The following ATP8A2 variants were observed in gnomAD, a reference collection of about 807,000 sequenced individuals.
The protein encoded by ATP8A2 is ATPase phospholipid transporting 8A2, also known as phospholipid-transporting ATPase IB.
ATP8A2 carries 100 observed loss-of-function variants against 165.6 expected under a neutral mutation model. The observed-to-expected ratio is 0.60, with a 90% confidence interval of 0.51 to 0.71. The LOEUF is 0.71. Among genes scored for constraint, ATP8A2 ranks in the 30% least tolerant of loss-of-function variants. The probability of loss-of-function intolerance (pLI) is 0.00; values close to 1 mark genes in which losing one functional copy is unlikely to be tolerated. For missense variants in ATP8A2, 1,227 were observed against 1,479.5 expected (o/e 0.83, Z 2.80); for synonymous variants, 543 against 548.8 (o/e 0.99, Z 0.15).
intron 24 of ATP8A2, among the ~76,000 whole-genome samples, chr13:25,598,143 G>A (rs970092769): frequency 5.3e-5 from 8 of 152,086 alleles, no homozygotes; most frequent in Non-Finnish European, 8.8e-5. Flanking sequence ...CTTCATCATT[G>A]AAATACCTGT....
At chr13:25,774,044 G>A (rs1184577015) in intron 26 of ATP8A2, among the ~76,000 whole-genome samples, 1 of 152,168 alleles carries the variant, frequency 6.6e-6, no homozygotes, top group Admixed American at 6.6e-5. Flanking sequence ...ATCTGTGTTT[G>A]CTTAGAGATA....
rs545382175 is a variant in ATP8A2, at chr13:25,965,934, G to A, written c.3273-2641G>A. 6.7e-5 allele frequency among the ~76,000 whole-genome samples: 10 copies of A among 149,196 alleles called. 1 individual carries two copies. The East Asian group carries it at 1.4e-3, about 21-fold the overall frequency. On this transcript the variant is annotated intron_variant, in intron 34 of 36. Coordinates refer to ENST00000381655, the MANE Select transcript of ATP8A2 (RefSeq NM_016529.6). Reference sequence around the variant, plus strand: ...ACTAAACTAATTTCTTTTGCAGCACGTTACATTTACACTTCCATCCAGGTT... The same window carrying A: ...ACTAAACTAATTTCTTTTGCAGCACATTACATTTACACTTCCATCCAGGTT...
At chr13:26,015,982 C>T (rs746028150) in intron 36 of ATP8A2, among the ~76,000 whole-genome samples, 1 of 152,174 alleles carries the variant, frequency 6.6e-6, no homozygotes, top group African/African-American at 2.4e-5. Context: ...GCTGGGCAGG[C>T]AGGACTGGTT....
At chr13:25,520,995 G>C (rs971018826) in intron 2 of ATP8A2, among the ~76,000 whole-genome samples, 7 of 152,146 alleles carry the variant, frequency 4.6e-5, no homozygotes, top group African/African-American at 1.2e-4. Flanking sequence ...AGTGTACAAG[G>C]GTTCTGCTTT....
At chr13:25,504,351 G>A (rs2036953900) in intron 2 of ATP8A2, among the ~76,000 whole-genome samples, 2 of 147,500 alleles carry the variant, frequency 1.4e-5, no homozygotes, top group Non-Finnish European at 3.0e-5. Context: ...CATCTATTTC[G>A]TATGTTTTTT....
At chr13:25,987,669 G>A (rs964224549) in intron 35 of ATP8A2, among the ~76,000 whole-genome samples, 1 of 152,224 alleles carries the variant, frequency 6.6e-6, no homozygotes, top group Non-Finnish European at 1.5e-5. Context: ...CCATGCAGGG[G>A]TGGGGTCATG....
chr13:25,426,323 T>C (rs910182555), intron 1 of ATP8A2, among the ~76,000 whole-genome samples: 2 of 151,700 alleles, frequency 1.3e-5, no homozygotes, highest in Admixed American at 1.3e-4. Flanking sequence ...AGAGACAGAG[T>C]GGTGGGGGAG....
At chr13:25,561,682 C>T (rs2039160123) in intron 15 of ATP8A2, among the ~76,000 whole-genome samples, 1 of 152,124 alleles carries the variant, frequency 6.6e-6, no homozygotes, top group Non-Finnish European at 1.5e-5. Context: ...AATTCAGTTG[C>T]ACTAAATAGA....
At chr13:25,406,226 A>T (rs2033797969) in intron 1 of ATP8A2, among the ~76,000 whole-genome samples, 1 of 152,214 alleles carries the variant, frequency 6.6e-6, no homozygotes. Flanking sequence ...CCTCTGTTTC[A>T]GGTGGCAGAG....
At chr13:25,504,506 C>T (rs890827540) in intron 2 of ATP8A2, among the ~76,000 whole-genome samples, 1 of 143,926 alleles carries the variant, frequency 6.9e-6, no homozygotes, top group African/African-American at 2.6e-5. Flanking sequence ...TTTGGGAGGC[C>T]GAGGCGGGTG....
intron 24 of ATP8A2, among the ~76,000 whole-genome samples, chr13:25,667,059 A>G (rs2137726076): frequency 6.6e-6 from 1 of 152,310 alleles, no homozygotes; most frequent in East Asian, 1.9e-4. Context: ...TAGTACATTC[A>G]TGTTTTGCAA....
rs1395910175 is a variant in ATP8A2, at chr13:25,769,056, C to T, written c.2395C>T (p.Leu799=). Reference sequence around the variant, plus strand: ...TCTCTTTTCTCACAGAGTGTCTCCTCTGCAGAAGTCTGAGATAGTGGATGT... The same window carrying T: ...TCTCTTTTCTCACAGAGTGTCTCCTTTGCAGAAGTCTGAGATAGTGGATGT... ...KAVICCRVSP[L]QKSEIVDVVK... Residue 799 remains leucine, a synonymous_variant, in exon 26 of 37, where the codon CTG becomes TTG. Transcript: ENST00000381655. 5 of 1,614,206 alleles carry T rather than the reference C, an allele frequency of 3.1e-6. No individual in the cohort carries two copies. The highest frequency in any genetic ancestry group is 4.2e-6 in the Non-Finnish European group (5 of 1,180,018).
intron 35 of ATP8A2, among the ~76,000 whole-genome samples, chr13:25,983,318 A>C (rs978659913): frequency 6.6e-6 from 1 of 152,266 alleles, no homozygotes; most frequent in Non-Finnish European, 1.5e-5. Context: ...GAAAAATCAG[A>C]TAATAGAGCT....
At chr13:25,552,238 C>T (rs913019214) in intron 11 of ATP8A2, among the ~76,000 whole-genome samples, 6 of 152,140 alleles carry the variant, frequency 3.9e-5, no homozygotes, top group South Asian at 2.1e-4. Flanking sequence ...CTACCCGCCT[C>T]GGCCTCCTGA....
chr13:25,859,161 C>T (rs549382520), intron 30 of ATP8A2, among the ~76,000 whole-genome samples: 3 of 151,964 alleles, frequency 2.0e-5, no homozygotes, highest in Non-Finnish European at 4.4e-5. Flanking sequence ...GAGATTGTAC[C>T]ACTGCATTCC....
chr13:25,577,433 G>A (rs1405227965), intron 20 of ATP8A2, among the ~76,000 whole-genome samples: 7 of 152,162 alleles, frequency 4.6e-5, no homozygotes, highest in Non-Finnish European at 8.8e-5. Flanking sequence ...AGTTTTACCA[G>A]CATTGTGTTT....
At chr13:25,479,479 G>C (rs1003533629) in intron 2 of ATP8A2, among the ~76,000 whole-genome samples, 8 of 152,068 alleles carry the variant, frequency 5.3e-5, no homozygotes, top group African/African-American at 1.9e-4. Context: ...TGGTTTTGTT[G>C]TATGATTCTT....
intron 36 of ATP8A2, among the ~76,000 whole-genome samples, chr13:26,017,663 C>T (rs1162094000): frequency 1.3e-5 from 2 of 152,190 alleles, no homozygotes; most frequent in East Asian, 1.9e-4. Context: ...ATTTGCTCTT[C>T]GGTGCTTGAA....
intron 23 of ATP8A2, among the ~76,000 whole-genome samples, chr13:25,583,577 C>T (rs946299422): frequency 4.6e-5 from 7 of 152,122 alleles, no homozygotes; most frequent in African/African-American, 7.2e-5. Context: ...TCATCCACAC[C>T]GCCCGGCCCC....
Sources: allele counts gnomAD v4.1 joint callset (sites outside exome capture counted in the v4.1 genomes callset), GRCh38; gene constraint gnomAD v4.1.1; transcripts MANE v1.5; gene names NCBI Gene and HGNC (gene_info 2026-07-23, HGNC 2026-07-21).